ADPRH: variants seen among roughly 807,000 people sequenced by gnomAD.
The protein encoded by ADPRH is ADP-ribose-L-arginine cleaving enzyme.
ADPRH carries 27 observed loss-of-function variants against 28.8 expected under a neutral mutation model. That is an observed-to-expected ratio of 0.94 (90% confidence interval 0.69 to 1.29). The LOEUF (loss-of-function observed/expected upper bound fraction) is 1.29, where lower values mean the gene tolerates loss of function less well. Among genes scored for constraint, ADPRH ranks in the 50% most tolerant of loss-of-function variants. The pLI is 0.00. For missense variants in ADPRH, 419 were observed against 444.8 expected, an observed-to-expected ratio of 0.94 and a Z score of 0.52; for synonymous variants, 161 against 166.9, an observed-to-expected ratio of 0.96 and a Z score of 0.27.
chr3:119,582,487 G>C lies in ADPRH; in HGVS notation c.298+20G>C. ...CACCAGGTGAGCACAGCCGGTGGGA[G>C]GTGCAAGGAGGGCAAAGAATAAAAC... On this transcript the variant is annotated intron_variant, in intron 3 of 4. Transcript: ENST00000357003. 1 of 1,600,140 alleles carries C rather than the reference G, an allele frequency of 6.2e-7. No homozygotes were observed.
Position 119,587,915 on chromosome 3 carries a change from T to C in ADPRH, c.*37T>C, listed in dbSNP as rs2082480599. On this transcript the variant is annotated 3_prime_UTR_variant, in exon 5 of 5. Coordinates refer to ENST00000357003, the MANE Select transcript of ADPRH (RefSeq NM_001125.4). ...GTTCACTTCTGATGGATTCTTCTTT[T>C]GTGTATTTCCTTTTCTGCTATTTCT... is the stretch of plus-strand genomic sequence containing the variant. The C allele has an allele frequency of 1.3e-6, 2 of 1,523,684 alleles. No individual in the cohort carries two copies. The highest frequency in any genetic ancestry group is 1.8e-6 in the Non-Finnish European group (2 of 1,138,456). 94.4% of individuals were successfully genotyped at this position (1,523,684 alleles called of 1,614,324 possible). A position where few individuals can be genotyped will look rare whatever the true frequency, so the allele number is the denominator to read the frequency against.
intron 2 of ADPRH, 162 bp from the exon 3 acceptor site, chr3:119,581,972 G>A (rs1034159715): frequency 1.9e-6 from 1 of 537,960 alleles, no homozygotes; most frequent in African/African-American, 1.9e-5. Context: ...ACATAAAATG[G>A]GCTTTATATT....
rs549582630 is a variant in ADPRH, at chr3:119,585,683, G to A, written c.299-602G>A. On this transcript the variant is annotated intron_variant, in intron 3 of 4. Transcript: ENST00000357003. The stretch of plus-strand genomic sequence containing the variant: ...TCCTGCCTCAGCCTTCCAAATAGCT[G>A]GGACTACAGGCATGTGTCACCACGC... Among the ~76,000 whole-genome samples, 228 of 152,332 alleles carry A rather than the reference G, an allele frequency of 1.5e-3. 2 individuals are homozygous for A. The highest frequency in any genetic ancestry group is 2.7e-3 in the Non-Finnish European group (181 of 68,034).
At position 119,580,803 on chromosome 3, in the gene ADPRH, G is replaced by T. The variant is rs140223784; in HGVS notation, c.-37+167G>T. The stretch of plus-strand genomic sequence containing the variant: ...CTGAGGAATTGGCTGAAAGAGGGGG[G>T]TTCTTAGGAAATGCACCAACAGGGA... On this transcript the variant is annotated intron_variant, in intron 2 of 4. Coordinates refer to ENST00000357003, the MANE Select transcript of ADPRH (RefSeq NM_001125.4). 2.0e-5 allele frequency among the ~76,000 whole-genome samples: 3 copies of T among 152,132 alleles called. No homozygotes were observed. In the East Asian group the frequency reaches 5.8e-4, roughly 29 times the overall value.
intron 2 of ADPRH, among the ~76,000 whole-genome samples, chr3:119,581,396 C>A (rs1173141189): frequency 6.6e-6 from 1 of 152,128 alleles, no homozygotes; most frequent in Non-Finnish European, 1.5e-5. Flanking sequence ...TTATTTATTC[C>A]TAACAACAAA....
Position 119,587,828 on chromosome 3 carries a change from AG to A in ADPRH, c.1027del (p.Ala343LeufsTer12). ...CAGAAACCGGCTGGAAGAGACAGCT[AG>A]GGCTTTATATTCTCTCGGGTCAAAA... ...EYRNRLEETA[R>X]ALYSLGSKED... On this transcript the variant is annotated frameshift_variant, in exon 5 of 5. Transcript: ENST00000357003. LOFTEE classifies it high-confidence loss of function. The A allele has an allele frequency of 6.2e-7, 1 of 1,613,608 alleles. No homozygotes were observed. The highest frequency in any genetic ancestry group is 1.3e-5 in the African/African-American group (1 of 75,010).
At chr3:119,584,953 C>T (rs961559132) in intron 3 of ADPRH, among the ~76,000 whole-genome samples, 1 of 152,190 alleles carries the variant, frequency 6.6e-6, no homozygotes, top group Non-Finnish European at 1.5e-5. Context: ...TGTAAGGACA[C>T]CAGGCAGATT....
Position 119,582,466 on chromosome 3 carries a change from A to C in ADPRH, c.297A>C (p.Pro99=). ...DCMEDMDGRA[P]GGASVHNAMQ... ...TGGAAGACATGGATGGGCGGGCACC[A>C]GGTGAGCACAGCCGGTGGGAGGTGC... The change falls in exon 3 of 5, where the codon CCA becomes CCC. Residue 99 remains proline (P), a splice_region_variant and synonymous_variant. Transcript: ENST00000357003. The C allele has an allele frequency of 6.2e-7, 1 of 1,610,750 alleles. No individual in the cohort carries two copies. The highest frequency in any genetic ancestry group is 8.5e-7 in the Non-Finnish European group (1 of 1,177,330).
At position 119,586,388 on chromosome 3, in the gene ADPRH, G is replaced by T; in HGVS notation, c.402G>T (p.Arg134=). The part of the protein sequence containing the change: ...SHEGGCGAAM[R]AMCIGLRFPH... ...AGGGCGGCTGTGGGGCTGCCATGCGGGCCATGTGCATCGGTCTCAGGTTCC... is the reference window on the plus strand; with the variant it reads ...AGGGCGGCTGTGGGGCTGCCATGCGTGCCATGTGCATCGGTCTCAGGTTCC... Residue 134 remains arginine, a synonymous_variant, in exon 4 of 5, where the codon CGG becomes CGT. Coordinates refer to ENST00000357003, the MANE Select transcript of ADPRH (RefSeq NM_001125.4). 1.9e-6 allele frequency: 3 copies of T among 1,614,194 alleles called. No individual in the cohort carries two copies. The highest frequency in any genetic ancestry group is 2.5e-6 in the Non-Finnish European group (3 of 1,180,044).
chr3:119,587,859 A>G lies in ADPRH; in HGVS notation c.1055A>G (p.Asp352Gly). The change falls in exon 5 of 5, where the codon GAC becomes GGC. Residue 352 changes from aspartate to glycine, a missense_variant. Transcript: ENST00000357003. Reference sequence around the variant, plus strand: ...TTATATTCTCTCGGGTCAAAAGAAGACACTGTAATTTCCCTTTAGGGAGAC... The same window carrying G: ...TTATATTCTCTCGGGTCAAAAGAAGGCACTGTAATTTCCCTTTAGGGAGAC... ...RALYSLGSKE[D>G]TVISL is the part of the protein sequence containing the mutation. The G allele has an allele frequency of 6.2e-7, 1 of 1,601,274 alleles. No homozygotes were observed. Among genetic ancestry groups the G allele is most frequent in the Non-Finnish European group, 8.5e-7 (1 of 1,172,948 alleles).
At position 119,588,043 on chromosome 3, in the gene ADPRH, G is replaced by C; in HGVS notation, c.*165G>C. The C allele has an allele frequency of 1.6e-6, 1 of 631,686 alleles. No homozygotes were observed. Among genetic ancestry groups the C allele is most frequent in the Non-Finnish European group, 2.5e-6 (1 of 401,016 alleles). The allele number at this position is 631,686 out of a possible 1,614,324, so 39.1% of individuals were successfully genotyped here. ...AGCTCAGTTTTTTCAGGCTCATCCT[G>C]TTCTTCCAGAATCTATCCCTTTTCT... On this transcript the variant is annotated 3_prime_UTR_variant, in exon 5 of 5. Transcript: ENST00000357003.
rs1426181394 is a variant in ADPRH, at chr3:119,579,781, A to C, written c.-193A>C. ...CGCCCTCGTCCACCCGCAGCAGCCA[A>C]GGCCTCTTCCCCGGCCCCGGGAGCC... On this transcript the variant is annotated 5_prime_UTR_variant, in exon 1 of 5. Transcript: ENST00000357003. The C allele has an allele frequency of 6.5e-6, 1 of 153,600 alleles. No homozygotes were observed. The highest frequency in any genetic ancestry group is 1.9e-4 in the East Asian group (1 of 5,250). 9.5% of individuals were successfully genotyped at this position (153,600 alleles called of 1,614,324 possible).
rs2082459564 is a variant in ADPRH at position 119,586,370 on chromosome 3, C to T, written c.384C>T (p.Gly128=). The change falls in exon 4 of 5, where the codon GGC becomes GGT. Residue 128 remains glycine (G), a synonymous_variant. Transcript: ENST00000357003. ...WRIPFNSHEG[G]CGAAMRAMCI... ...TTCCCTTCAACAGCCATGAGGGCGG[C>T]TGTGGGGCTGCCATGCGGGCCATGT... 1 of 1,614,248 alleles carries T rather than the reference C, an allele frequency of 6.2e-7. No homozygotes were observed. The highest frequency in any genetic ancestry group is 1.7e-5 in the Admixed American group (1 of 60,034).
chr3:119,579,933 CCA>C lies in ADPRH; in HGVS notation c.-123+83_-123+84del, dbSNP rs1469399542. 2.0e-5 allele frequency: 3 copies of C among 152,474 alleles called. No homozygotes were observed. In the East Asian group the frequency reaches 5.8e-4, roughly 29 times the overall value. 9.4% of individuals were successfully genotyped at this position (152,474 alleles called of 1,614,324 possible). A position where few individuals can be genotyped will look rare whatever the true frequency, so the allele number is the denominator to read the frequency against. ...CGAGTGTGGCCGACCATGAGGATTCCCAGTCTTGCAAATCGTGGGAGCGTGTC... is the reference window on the plus strand; with the variant it reads ...CGAGTGTGGCCGACCATGAGGATTCCGTCTTGCAAATCGTGGGAGCGTGTC... On this transcript the variant is annotated intron_variant, in intron 1 of 4. Transcript: ENST00000357003.
In ADPRH at chr3:119,580,431, C is replaced by T. The variant is rs144246899; in HGVS notation, c.-122-120C>T. 22 of 152,312 alleles carry T rather than the reference C, an allele frequency of 1.4e-4. No individual in the cohort carries two copies. In the East Asian group the frequency reaches 3.9e-3, roughly 27 times the overall value. The allele number at this position is 152,312 out of a possible 1,614,324, so 9.4% of individuals were successfully genotyped here. On this transcript the variant is annotated intron_variant, in intron 1 of 4. Coordinates refer to ENST00000357003, the MANE Select transcript of ADPRH (RefSeq NM_001125.4). Reference sequence around the variant, plus strand: ...CCAGAATCTCAGTGCCTAGGCTTCACTGTAAATAATAAACTATGTAAATAA... The same window carrying T: ...CCAGAATCTCAGTGCCTAGGCTTCATTGTAAATAATAAACTATGTAAATAA...
chr3:119,581,211 G>A (rs2082402749), intron 2 of ADPRH, among the ~76,000 whole-genome samples: 1 of 151,878 alleles, frequency 6.6e-6, no homozygotes, highest in African/African-American at 2.4e-5. Flanking sequence ...GGGACTACAG[G>A]CATGCACCAC....
At chr3:119,581,327 C>T (rs969965742) in intron 2 of ADPRH, among the ~76,000 whole-genome samples, 10 of 152,212 alleles carry the variant, frequency 6.6e-5, no homozygotes, top group Non-Finnish European at 1.3e-4. Context: ...CTCGGCCTCC[C>T]AAAGTGCTGA....
intron 3 of ADPRH, 81 bp from the exon 4 acceptor site, chr3:119,586,204 G>A: frequency 6.4e-7 from 1 of 1,568,134 alleles, no homozygotes. Context: ...AATACTTGGA[G>A]ACAGAGTTTA....
intron 2 of ADPRH, among the ~76,000 whole-genome samples, chr3:119,581,294 C>T (rs1168589970): frequency 6.6e-6 from 1 of 152,170 alleles, no homozygotes; most frequent in Non-Finnish European, 1.5e-5. Flanking sequence ...TCTCGATCTC[C>T]TGACCTCAGA....
Sources: gnomAD v4.1 joint callset for allele counts (sites outside exome capture counted in the v4.1 genomes callset) on GRCh38, gnomAD v4.1.1 for gene constraint, MANE v1.5 for transcripts, NCBI Gene and HGNC (gene_info 2026-07-23, HGNC 2026-07-21) for gene names.